CATSPERE: variants seen among roughly 807,000 people sequenced by gnomAD.
CATSPERE encodes the protein catsper channel auxiliary subunit epsilon.
Under a neutral mutation model 114.1 loss-of-function variants are expected in CATSPERE, and 93 were observed. That is an observed-to-expected ratio of 0.81 (90% CI 0.69 to 0.97). CATSPERE has a LOEUF of 0.97. Among genes scored for constraint, CATSPERE ranks in the 50% least tolerant of loss-of-function variants. The probability of loss-of-function intolerance (pLI) is 0.00; values close to 1 mark genes in which losing one functional copy is unlikely to be tolerated. For synonymous variants in CATSPERE, 341 were observed against 384.1 expected (o/e 0.89, Z 1.31); for missense variants, 1,058 against 1,131.6 (o/e 0.93, Z 0.93).
chr1:244,631,266 A>C (rs770430886), intron 20 of CATSPERE, among the ~76,000 whole-genome samples: 1 of 145,508 alleles, frequency 6.9e-6, no homozygotes, highest in Non-Finnish European at 1.5e-5. Context: ...CAAGCTCAAC[A>C]TAGCAAGATC....
upstream of CATSPERE, chr1:244,451,901 C>G: frequency 7.4e-7 from 1 of 1,358,242 alleles, no homozygotes; most frequent in Non-Finnish European, 9.7e-7. This position sits in a 1 kb window ranked among gnomAD's most constrained non-coding sequence, Gnocchi z 6.6. Context: ...CCGCCAGCCA[C>G]ATGCAGAGGA....
intron 5 of CATSPERE, among the ~76,000 whole-genome samples, chr1:244,487,155 A>G (rs1408357254): frequency 3.6e-5 from 4 of 110,670 alleles, no homozygotes; most frequent in African/African-American, 1.1e-4. Flanking sequence ...CGTGGGCCAC[A>G]TACAGACCCT....
intron 20 of CATSPERE, among the ~76,000 whole-genome samples, chr1:244,620,037 G>C (rs1489993527): frequency 6.6e-6 from 1 of 152,144 alleles, no homozygotes; most frequent in Non-Finnish European, 1.5e-5. Flanking sequence ...CCTAAGTCAA[G>C]AGATAAGTAA....
Position 244,607,679 on chromosome 1 carries a change from G to A in CATSPERE, c.2403+1885G>A, listed in dbSNP as rs1670182505. Among the ~76,000 whole-genome samples, 1 of 152,172 alleles carries A rather than the reference G, an allele frequency of 6.6e-6. No individual in the cohort carries two copies. Among genetic ancestry groups the A allele is most frequent in the Admixed American group, 6.5e-5 (1 of 15,282 alleles). On this transcript the variant is annotated intron_variant, in intron 18 of 21. Coordinates refer to ENST00000366534, the MANE Select transcript of CATSPERE (RefSeq NM_001130957.2). This position sits in a 1 kb window ranked among gnomAD's most constrained non-coding sequence, Gnocchi z 4.4. ...ATCAGTGTATTACAGCAACAAGTAA[G>A]GCTGGAGTAGATGAGAGCTGGAATG...
intron 13 of CATSPERE, among the ~76,000 whole-genome samples, chr1:244,584,934 A>G (rs6678456): frequency 0.19 from 28,137 of 152,010 alleles, 3,761 homozygotes; most frequent in East Asian, 0.4. Context: ...CACGTAGGAA[A>G]TAAGAAACCA....
chr1:244,599,257 T>G (rs1668848214), intron 17 of CATSPERE, among the ~76,000 whole-genome samples: 1 of 152,138 alleles, frequency 6.6e-6, no homozygotes, highest in Non-Finnish European at 1.5e-5. Context: ...CATATATCAC[T>G]TTTGCACTTA....
At chr1:244,597,343 C>T (rs1668573085) in intron 17 of CATSPERE, among the ~76,000 whole-genome samples, 1 of 152,142 alleles carries the variant, frequency 6.6e-6, no homozygotes, top group African/African-American at 2.4e-5. Context: ...CAGTGACCTC[C>T]ATTCAGCTAA....
At chr1:244,581,758 TC>T in intron 11 of CATSPERE, 37 bp from the exon 12 acceptor site, 1 of 982,542 alleles carries the variant, frequency 1.0e-6, no homozygotes. Context: ...ACCCCCAATT[TC>T]CCTGCTTTAC....
At position 244,632,754 on chromosome 1, in the gene CATSPERE, T is replaced by C. The variant is rs1055389277; in HGVS notation, c.2649-2735T>C. Among the ~76,000 whole-genome samples the C allele has an allele frequency of 5.3e-5, 8 of 152,036 alleles. No homozygotes were observed. The East Asian group carries it at 7.7e-4, about 15-fold the overall frequency. On this transcript the variant is annotated intron_variant, in intron 20 of 21. Coordinates refer to ENST00000366534, the MANE Select transcript of CATSPERE (RefSeq NM_001130957.2). ...AAAGGAGAAAGGAACAACAAAATGA[T>C]AGCAAATAGCAAGACTGTAGATTTA...
intron 4 of CATSPERE, among the ~76,000 whole-genome samples, chr1:244,479,074 A>T: frequency 1.5e-5 from 2 of 133,688 alleles, no homozygotes; most frequent in Admixed American, 1.5e-4. Context: ...GAAGTAAGGG[A>T]CTCCCTTTCC....
At chr1:244,549,726 G>A (rs953112405) in intron 8 of CATSPERE, among the ~76,000 whole-genome samples, 4 of 152,100 alleles carry the variant, frequency 2.6e-5, no homozygotes, top group African/African-American at 9.7e-5. Context: ...ATGCTTATGG[G>A]TGCCAAGTTG....
intron 8 of CATSPERE, among the ~76,000 whole-genome samples, chr1:244,543,874 G>A (rs1217368811): frequency 6.6e-6 from 1 of 151,960 alleles, no homozygotes; most frequent in African/African-American, 2.4e-5. Context: ...AGCAAGAGGT[G>A]TCATATGCTC....
intron 8 of CATSPERE, among the ~76,000 whole-genome samples, chr1:244,530,917 C>T (rs1423389488): frequency 1.3e-5 from 2 of 151,948 alleles, no homozygotes; most frequent in Non-Finnish European, 2.9e-5. Context: ...TTGATAGAGA[C>T]TTTATGTTTT....
chr1:244,591,543 C>T, intron 14 of CATSPERE, 138 bp from the exon 15 acceptor site: 1 of 550,908 alleles, frequency 1.8e-6, no homozygotes, highest in Non-Finnish European at 3.3e-6. Context: ...AGGCTACACA[C>T]TAACCAGAGA....
At chr1:244,487,153 A>G (rs1316113503) in intron 5 of CATSPERE, among the ~76,000 whole-genome samples, 1 of 150,558 alleles carries the variant, frequency 6.6e-6, no homozygotes, top group Non-Finnish European at 1.5e-5. Flanking sequence ...CTCGTGGGCC[A>G]CATACAGACC....
rs1670537684 is a variant in CATSPERE at position 244,610,310 on chromosome 1, A to T, written c.2474A>T (p.Glu825Val). The T allele has an allele frequency of 6.2e-7, 1 of 1,611,508 alleles. No homozygotes were observed. The change falls in exon 19 of 22, where the codon GAA (glutamate) becomes GTA (valine). Residue 825 changes from glutamate (E) to valine (V), a missense_variant. Around this residue, in one of 2 missense-constraint regions of CATSPERE, gnomAD observed 787 missense variants for 905.6 expected, o/e 0.87. Coordinates refer to ENST00000366534, the MANE Select transcript of CATSPERE (RefSeq NM_001130957.2). ...CTTAACAAGCACCTCCCACTAGAAG[A>T]AGTCTGGGGACCTGAGGTAAGAGAA... ...IELNKHLPLE[E>V]VWGPENYKHC...
intron 9 of CATSPERE, among the ~76,000 whole-genome samples, chr1:244,555,427 T>C (rs1661439399): frequency 6.7e-6 from 1 of 149,488 alleles, no homozygotes; most frequent in Non-Finnish European, 1.5e-5. Context: ...GGAACATACC[T>C]CAAAATTATA....
rs544940649 is a variant in CATSPERE at position 244,463,980 on chromosome 1, C to T, written c.114+24C>T. The stretch of plus-strand genomic sequence containing the variant: ...CTGTAAGTGTTGAATTTTTAATAAA[C>T]TATAGTTAAATATTAAATTTTTTGA... On this transcript the variant is annotated intron_variant, in intron 2 of 21. Transcript: ENST00000366534. 10 of 1,529,852 alleles carry T rather than the reference C, an allele frequency of 6.5e-6. No individual in the cohort carries two copies. The South Asian group carries it at 1.1e-4, about 17-fold the overall frequency. 94.8% of individuals were successfully genotyped at this position (1,529,852 alleles called of 1,614,324 possible).
At chr1:244,526,523 T>C (rs535828263) in intron 8 of CATSPERE, among the ~76,000 whole-genome samples, 2 of 152,016 alleles carry the variant, frequency 1.3e-5, no homozygotes, top group East Asian at 1.9e-4. Flanking sequence ...AAAAAAAATA[T>C]CTGGCTTTTC....
Sources: gnomAD v4.1 joint callset for allele counts (sites outside exome capture counted in the v4.1 genomes callset) on GRCh38, gnomAD v4.1.1 for gene constraint, gnomAD v4.1.1 regional missense constraint, Gnocchi (gnomAD v3.1) non-coding constraint, MANE v1.5 for transcripts, NCBI Gene and HGNC (gene_info 2026-07-23, HGNC 2026-07-21) for gene names.